Variants in TNRC6B observed in about 807,000 individuals in gnomAD.
TNRC6B encodes trinucleotide repeat containing adaptor 6B.
In TNRC6B, 52 loss-of-function variants were observed where a neutral mutation model predicts 203.6. The observed-to-expected ratio is 0.26, with a 90% CI of 0.20 to 0.32. The LOEUF is 0.32. Among genes scored for constraint, TNRC6B ranks in the 10% least tolerant of loss-of-function variants. The pLI, the probability that TNRC6B is intolerant of heterozygous loss-of-function variation, is 1.00. For synonymous variants in TNRC6B, 838 were observed against 845.7 expected (o/e 0.99, Z 0.16); for missense variants, 1,923 against 2,286.2 (o/e 0.84, Z 3.24).
chr22:40,313,678 G>A (rs2071218692), intron 19 of TNRC6B, among the ~76,000 whole-genome samples: 1 of 152,316 alleles, frequency 6.6e-6, no homozygotes, highest in Admixed American at 6.5e-5. Context: ...AGCAAATAAA[G>A]TAGACCTTTG....
chr22:40,051,499 C>G (rs531317345), intron 1 of TNRC6B, among the ~76,000 whole-genome samples: 2 of 152,344 alleles, frequency 1.3e-5, no homozygotes, highest in East Asian at 1.9e-4. Flanking sequence ...CATTTTGCAG[C>G]CTGTTGACAT....
intron 4 of TNRC6B, among the ~76,000 whole-genome samples, chr22:40,156,846 G>A (rs1182806448): frequency 1.4e-5 from 2 of 148,044 alleles, no homozygotes; most frequent in Non-Finnish European, 3.0e-5. Flanking sequence ...TGCAACTTCC[G>A]CCTCCTGGGT....
chr22:40,168,498 T>A (rs945033551), intron 4 of TNRC6B, among the ~76,000 whole-genome samples: 1 of 152,184 alleles, frequency 6.6e-6, no homozygotes, highest in Admixed American at 6.5e-5. Context: ...ACTTTTGAGG[T>A]TCAATTCTAA....
intron 1 of TNRC6B, among the ~76,000 whole-genome samples, chr22:40,233,221 G>A (rs1031905438): frequency 6.6e-6 from 1 of 152,142 alleles, no homozygotes; most frequent in Admixed American, 6.6e-5. Flanking sequence ...TACTTGGGAG[G>A]CTGAGGTAGG....
chr22:40,264,560 C>G, intron 4 of TNRC6B, 128 bp from the exon 5 acceptor site: 1 of 1,025,958 alleles, frequency 9.7e-7, no homozygotes, highest in South Asian at 2.1e-5. Flanking sequence ...ATACAAGCAA[C>G]TGGGTTGAGA....
At chr22:40,287,311 T>C (rs1344032818) in intron 12 of TNRC6B, among the ~76,000 whole-genome samples, 1 of 152,146 alleles carries the variant, frequency 6.6e-6, no homozygotes, top group African/African-American at 2.4e-5. Context: ...GCCCAGCCTG[T>C]TTTGTTTTTT....
intron 3 of TNRC6B, among the ~76,000 whole-genome samples, chr22:40,151,555 AAAAAG>A (rs952807357): frequency 1.8e-4 from 14 of 76,532 alleles, no homozygotes; most frequent in Non-Finnish European, 3.0e-4. Context: ...AAAAAAAAGA[AAAAAG>A]AAAAAAACTA....
intron 1 of TNRC6B, among the ~76,000 whole-genome samples, chr22:40,100,427 G>T (rs952179119): frequency 2.0e-5 from 3 of 151,972 alleles, no homozygotes; most frequent in Non-Finnish European, 4.4e-5. Context: ...GCCCAGGTTG[G>T]AGTGCAGTGA....
At chr22:40,221,333 A>G (rs180774113) in intron 1 of TNRC6B, among the ~76,000 whole-genome samples, 38 of 152,324 alleles carry the variant, frequency 2.5e-4, no homozygotes, top group African/African-American at 9.1e-4. Context: ...ATGTTGCTAC[A>G]CCAGTTGAGT....
chr22:40,048,096 C>T (rs972430716), intron 1 of TNRC6B, among the ~76,000 whole-genome samples: 1 of 152,210 alleles, frequency 6.6e-6, no homozygotes, highest in African/African-American at 2.4e-5. Flanking sequence ...GTTCTACTAT[C>T]ATGTTTGAGC....
chr22:40,226,226 A>G (rs2069783638), intron 1 of TNRC6B, among the ~76,000 whole-genome samples: 1 of 152,214 alleles, frequency 6.6e-6, no homozygotes, highest in African/African-American at 2.4e-5. Context: ...CATTTTTACT[A>G]TTCTGAAAAT....
At chr22:40,299,144 CAAAA>C (rs1252985941) in intron 12 of TNRC6B, among the ~76,000 whole-genome samples, 1 of 43,944 alleles carries the variant, frequency 2.3e-5, no homozygotes, top group African/African-American at 8.7e-5. Context: ...GACCCTGTCT[CAAAA>C]AAAAAAAAAC....
intron 1 of TNRC6B, among the ~76,000 whole-genome samples, chr22:40,083,052 A>G (rs970959872): frequency 1.3e-5 from 2 of 152,254 alleles, no homozygotes; most frequent in African/African-American, 4.8e-5. Flanking sequence ...ACAATAATAA[A>G]AGCCATGAGA....
Position 40,167,699 on chromosome 22 carries a change from G to A in TNRC6B, c.113+11517G>A, listed in dbSNP as rs187995318. Among the ~76,000 whole-genome samples the A allele has an allele frequency of 4.8e-3, 429 of 90,058 alleles. 1 individual carries two copies. The highest frequency in any genetic ancestry group is 0.02 in the South Asian group (50 of 2,448). 59.1% of individuals were successfully genotyped at this position (90,058 alleles called of 152,430 possible). A position where few individuals can be genotyped will look rare whatever the true frequency, so the allele number is the denominator to read the frequency against. ...ATTGAGACCAGCATAGATTCCCATC[G>A]CTACCAAAAAAAAAAAAAAAAAAAA... On this transcript the variant is annotated intron_variant, in intron 4 of 23. Coordinates refer to the TNRC6B transcript ENST00000301923.
chr22:40,135,074 G>A (rs1482105832), intron 3 of TNRC6B, among the ~76,000 whole-genome samples: 1 of 152,202 alleles, frequency 6.6e-6, no homozygotes, highest in Admixed American at 6.5e-5. Flanking sequence ...ACCAACTTGA[G>A]GCTGTTGACC....
intron 1 of TNRC6B, among the ~76,000 whole-genome samples, chr22:40,088,500 C>CTCCTAGAT (rs2068119728): frequency 6.6e-6 from 1 of 152,026 alleles, no homozygotes; most frequent in Non-Finnish European, 1.5e-5. Context: ...CAACCTCCGC[C>CTCCTAGAT]TCCTAGATTC....
intron 1 of TNRC6B, among the ~76,000 whole-genome samples, chr22:40,050,389 T>C (rs760429959): frequency 6.6e-6 from 1 of 152,198 alleles, no homozygotes; most frequent in Non-Finnish European, 1.5e-5. Flanking sequence ...TCTCTGAGCA[T>C]CTTAACTGCA....
At chr22:40,224,471 A>G (rs893835149) in intron 1 of TNRC6B, among the ~76,000 whole-genome samples, 4 of 152,102 alleles carry the variant, frequency 2.6e-5, no homozygotes, top group African/African-American at 9.7e-5. Flanking sequence ...TTCTTTATGT[A>G]TTATGAAACC....
intron 9 of TNRC6B, 77 bp from the exon 10 acceptor site, chr22:40,279,918 A>G (rs2070701498): frequency 7.7e-7 from 1 of 1,302,156 alleles, no homozygotes; most frequent in Non-Finnish European, 1.1e-6. Context: ...CCATGAGGAT[A>G]GTGGGGCAGG....
Sources: gnomAD v4.1 joint callset for allele counts (sites outside exome capture counted in the v4.1 genomes callset) on GRCh38, gnomAD v4.1.1 for gene constraint, MANE v1.5 for transcripts, NCBI Gene and HGNC (gene_info 2026-07-23, HGNC 2026-07-21) for gene names.